CDH8: variants seen among roughly 807,000 people sequenced by gnomAD.
CDH8 encodes the protein cadherin 8.
A neutral mutation model predicts 68.1 loss-of-function variants in CDH8; 17 were observed. The ratio of observed to expected loss-of-function variants is 0.25; its 90% CI spans 0.17 to 0.37. The LOEUF (loss-of-function observed/expected upper bound fraction) is 0.37. Ranked by LOEUF, CDH8 falls within the 10% of genes least tolerant of loss-of-function variation. CDH8 has a pLI of 1.00. For synonymous variants in CDH8, 372 were observed against 365.1 expected (o/e 1.02, Z -0.21); for missense variants, 763 against 999.3 (o/e 0.76, Z 3.19).
chr16:62,035,616 C>G (rs6416678), intron 1 of CDH8, among the ~76,000 whole-genome samples: 78,502 of 152,086 alleles, frequency 0.52, 21,685 homozygotes, highest in African/African-American at 0.72. Context: ...CAGCCATAGA[C>G]CACTCGGGCC....
At chr16:61,695,779 G>A (rs1361282882) in intron 10 of CDH8, among the ~76,000 whole-genome samples, 1 of 152,152 alleles carries the variant, frequency 6.6e-6, no homozygotes, top group Non-Finnish European at 1.5e-5. Context: ...GTCTTAGAAT[G>A]CAAAACCAGA....
intron 8 of CDH8, among the ~76,000 whole-genome samples, chr16:61,751,925 C>A (rs985180786): frequency 1.3e-5 from 2 of 151,996 alleles, no homozygotes; most frequent in African/African-American, 4.8e-5. Flanking sequence ...CCTGGATTAC[C>A]TATTCTCCCT....
intron 8 of CDH8, among the ~76,000 whole-genome samples, chr16:61,765,761 A>G (rs1960574782): frequency 6.6e-6 from 1 of 151,992 alleles, no homozygotes; most frequent in Non-Finnish European, 1.5e-5. Context: ...TCAGAAATCC[A>G]AGGCTGATTC....
chr16:61,973,801 T>A (rs1199495699), intron 2 of CDH8, among the ~76,000 whole-genome samples: 1 of 152,244 alleles, frequency 6.6e-6, no homozygotes, highest in East Asian at 1.9e-4. Flanking sequence ...TATTTATAAT[T>A]TGCAAATCGA....
At chr16:61,998,630 C>A (rs1277239644) in intron 2 of CDH8, among the ~76,000 whole-genome samples, 1 of 152,154 alleles carries the variant, frequency 6.6e-6, no homozygotes, top group Non-Finnish European at 1.5e-5. Context: ...AAGTCATGCC[C>A]ACTATATGTT....
chr16:61,949,397 A>T (rs1964853337), intron 2 of CDH8, among the ~76,000 whole-genome samples: 1 of 152,146 alleles, frequency 6.6e-6, no homozygotes, highest in Non-Finnish European at 1.5e-5. Context: ...ATCAGCAGGA[A>T]GTGGGTGGGG....
rs78007012 is a variant in CDH8, at chr16:61,750,482, C to G, written c.1415-23267G>C. Among the ~76,000 whole-genome samples, 25 of 152,224 alleles carry G rather than the reference C, an allele frequency of 1.6e-4. No individual in the cohort carries two copies. The East Asian group carries it at 4.6e-3, about 28-fold the overall frequency. ...GGAAAGTTGTATCTCAGGGTTGACTCAGTGAAACTAAATTAGGAAGTGTTA... is the reference window on the plus strand; with the variant it reads ...GGAAAGTTGTATCTCAGGGTTGACTGAGTGAAACTAAATTAGGAAGTGTTA... On this transcript the variant is annotated intron_variant, in intron 8 of 11. Transcript: ENST00000577390.
In CDH8 at chr16:61,964,570, G is replaced by T. The variant is rs796462644; in HGVS notation, c.252+56582C>A. Among the ~76,000 whole-genome samples, 66 of 151,580 alleles carry T rather than the reference G, an allele frequency of 4.4e-4. 1 individual carries two copies. The highest frequency in any genetic ancestry group is 1.6e-3 in the African/African-American group (65 of 41,320). On this transcript the variant is annotated intron_variant, in intron 2 of 11. Coordinates refer to ENST00000577390, the MANE Select transcript of CDH8 (RefSeq NM_001796.5). ...TTCCTCAACCAAAACAATCTTGAAT[G>T]AAACCAGGTTATTCCGGGACCTGCT...
chr16:61,832,377 T>TAGAC (rs1339922956), intron 4 of CDH8, among the ~76,000 whole-genome samples: 1 of 139,118 alleles, frequency 7.2e-6, no homozygotes, highest in African/African-American at 2.5e-5. Flanking sequence ...GATAGATAGA[T>TAGAC]AGATACATAG....
Position 61,647,933 on chromosome 16 carries a change from C to A in CDH8, c.*5675G>T. ...TATCTATTATCTATTAGTAGGGATA[C>A]TTGCAAGAAATAATACTTGCATTCA... On this transcript the variant is annotated 3_prime_UTR_variant, in exon 12 of 12. Transcript: ENST00000577390. The A allele has an allele frequency of 1.5e-6, 1 of 677,032 alleles. No homozygotes were observed. The highest frequency in any genetic ancestry group is 2.2e-5 in the Admixed American group (1 of 45,976). The allele number at this position is 677,032 out of a possible 1,614,324, so 41.9% of individuals were successfully genotyped here. A position where few individuals can be genotyped will look rare whatever the true frequency, so the allele number is the denominator to read the frequency against.
intron 7 of CDH8, among the ~76,000 whole-genome samples, chr16:61,800,003 G>T (rs1423286904): frequency 2.6e-5 from 4 of 152,082 alleles, no homozygotes; most frequent in African/African-American, 9.7e-5. Context: ...TCACTTCCCA[G>T]GGTCAAGTGA....
intron 10 of CDH8, among the ~76,000 whole-genome samples, chr16:61,690,788 C>A (rs1195296401): frequency 1.3e-5 from 2 of 151,982 alleles, no homozygotes; most frequent in South Asian, 2.1e-4. Context: ...TAATTGAAAT[C>A]TTTGAAACAT....
intron 2 of CDH8, among the ~76,000 whole-genome samples, chr16:61,935,368 A>G (rs1252961986): frequency 6.6e-6 from 1 of 152,206 alleles, no homozygotes; most frequent in African/African-American, 2.4e-5. Context: ...CTCAAATACA[A>G]CTTTATGTAG....
chr16:61,743,885 T>C (rs1467998164), intron 8 of CDH8, among the ~76,000 whole-genome samples: 1 of 152,146 alleles, frequency 6.6e-6, no homozygotes, highest in East Asian at 1.9e-4. Context: ...TTAATTTCTT[T>C]GTTTTTCATG....
chr16:61,935,870 C>T (rs947320967), intron 2 of CDH8, among the ~76,000 whole-genome samples: 3 of 151,950 alleles, frequency 2.0e-5, no homozygotes, highest in East Asian at 3.9e-4. Context: ...TTTTTGGTGA[C>T]GGGGGCTGTC....
intron 2 of CDH8, among the ~76,000 whole-genome samples, chr16:62,006,477 G>C (rs985426077): frequency 6.6e-6 from 1 of 152,148 alleles, no homozygotes; most frequent in Non-Finnish European, 1.5e-5. Context: ...CTGTTAAAAG[G>C]GGGTTGATAT....
intron 3 of CDH8, among the ~76,000 whole-genome samples, chr16:61,881,823 A>G (rs1963583529): frequency 6.6e-6 from 1 of 152,180 alleles, no homozygotes; most frequent in Non-Finnish European, 1.5e-5. Flanking sequence ...TTCTGGCTTC[A>G]AAGCCGGAGC....
chr16:61,759,452 G>T (rs1460580147), intron 8 of CDH8, among the ~76,000 whole-genome samples: 1 of 152,028 alleles, frequency 6.6e-6, no homozygotes, highest in Non-Finnish European at 1.5e-5. Context: ...AGGAGGAAGA[G>T]GGGATGGAGA....
chr16:61,681,027 G>T (rs971825451), intron 10 of CDH8, among the ~76,000 whole-genome samples: 2 of 151,868 alleles, frequency 1.3e-5, no homozygotes, highest in Admixed American at 6.6e-5. Context: ...GACCGTAAAA[G>T]TTGTTTGTGG....
Sources: gnomAD v4.1 joint callset for allele counts (sites outside exome capture counted in the v4.1 genomes callset) on GRCh38, gnomAD v4.1.1 for gene constraint, MANE v1.5 for transcripts, NCBI Gene and HGNC (gene_info 2026-07-23, HGNC 2026-07-21) for gene names.